NTNG1: variants seen among roughly 807,000 people sequenced by gnomAD.
NTNG1 encodes the protein netrin-G1.
Under a neutral mutation model 54.0 loss-of-function variants are expected in NTNG1, and 16 were observed. The ratio of observed to expected loss-of-function variants is 0.30; its 90% CI spans 0.20 to 0.45. The LOEUF (loss-of-function observed/expected upper bound fraction) is 0.45, where lower values mean the gene tolerates loss of function less well. Ranked by LOEUF, NTNG1 falls within the 20% of genes least tolerant of loss-of-function variation. NTNG1 has a pLI of 1.00. For missense variants in NTNG1, 530 were observed against 678.7 expected, an observed-to-expected ratio of 0.78 and a Z score of 2.43; for synonymous variants, 255 against 263.1, an observed-to-expected ratio of 0.97 and a Z score of 0.30.
intron 2 of NTNG1, among the ~76,000 whole-genome samples, chr1:107,237,567 G>A (rs1661495993): frequency 6.6e-6 from 1 of 152,102 alleles, no homozygotes; most frequent in Non-Finnish European, 1.5e-5. Flanking sequence ...CCCATCACAG[G>A]TCTGAAGGCC....
chr1:107,169,364 T>C (rs1656049604), intron 2 of NTNG1, among the ~76,000 whole-genome samples: 1 of 152,158 alleles, frequency 6.6e-6, no homozygotes, highest in South Asian at 2.1e-4. Context: ...ACAAGTGCAG[T>C]TTTGTTACAC....
chr1:107,232,312 G>A (rs1313791607), intron 2 of NTNG1, among the ~76,000 whole-genome samples: 2 of 152,042 alleles, frequency 1.3e-5, no homozygotes, highest in Non-Finnish European at 2.9e-5. Flanking sequence ...ATACCCCACC[G>A]CTAAAGAAAC....
chr1:107,461,542 CT>C (rs951793256), intron 7 of NTNG1, among the ~76,000 whole-genome samples: 12 of 145,130 alleles, frequency 8.3e-5, no homozygotes, highest in East Asian at 4.0e-4. Context: ...TTTTTTTTTT[CT>C]TTTTTTTTTC....
chr1:107,335,071 G>A (rs1434845726), intron 3 of NTNG1, among the ~76,000 whole-genome samples: 2 of 151,972 alleles, frequency 1.3e-5, no homozygotes, highest in Non-Finnish European at 2.9e-5. Context: ...AGTAAGCTAT[G>A]TACTTGGGTT....
chr1:107,347,134 C>T (rs1035101474), intron 3 of NTNG1, among the ~76,000 whole-genome samples: 10 of 152,024 alleles, frequency 6.6e-5, no homozygotes, highest in African/African-American at 1.2e-4. Context: ...GGATTCAAAT[C>T]CATCTCTCCA....
At chr1:107,349,596 A>G (rs1669474901) in intron 3 of NTNG1, among the ~76,000 whole-genome samples, 1 of 152,166 alleles carries the variant, frequency 6.6e-6, no homozygotes, top group Non-Finnish European at 1.5e-5. Flanking sequence ...CCACACTCAC[A>G]TCTAGGATAA....
intron 3 of NTNG1, among the ~76,000 whole-genome samples, chr1:107,377,916 A>C (rs1400647493): frequency 1.3e-5 from 2 of 152,222 alleles, no homozygotes; most frequent in African/African-American, 4.8e-5. Flanking sequence ...AGGTACTTGC[A>C]TTATATATTG....
chr1:107,407,516 T>C (rs1264347349), intron 4 of NTNG1, among the ~76,000 whole-genome samples, 166 bp from the exon 5 acceptor site: 1 of 151,134 alleles, frequency 6.6e-6, no homozygotes, highest in Non-Finnish European at 1.5e-5. Context: ...GTGTGTATAA[T>C]GTGTATATGC....
At chr1:107,238,454 A>G (rs939875133) in intron 2 of NTNG1, among the ~76,000 whole-genome samples, 4 of 152,170 alleles carry the variant, frequency 2.6e-5, no homozygotes, top group Non-Finnish European at 5.9e-5. Context: ...TTGGGAAGGC[A>G]TGATTGGTTT....
intron 2 of NTNG1, among the ~76,000 whole-genome samples, chr1:107,188,755 A>G (rs912029099): frequency 1.3e-5 from 2 of 152,096 alleles, no homozygotes; most frequent in Non-Finnish European, 1.5e-5. Flanking sequence ...TCACAAATCC[A>G]CATAACAGGG....
chr1:107,204,273 T>C (rs1659003136), intron 2 of NTNG1, among the ~76,000 whole-genome samples: 1 of 152,154 alleles, frequency 6.6e-6, no homozygotes, highest in South Asian at 2.1e-4. Flanking sequence ...TTCCGTTGAG[T>C]CACGACTGTG....
intron 5 of NTNG1, among the ~76,000 whole-genome samples, chr1:107,424,380 G>A (rs1337503279): frequency 6.6e-6 from 1 of 152,086 alleles, no homozygotes; most frequent in Non-Finnish European, 1.5e-5. Flanking sequence ...CAGGGGCCAG[G>A]TCACTAGAGA....
At chr1:107,288,899 C>T (rs947887262) in intron 2 of NTNG1, among the ~76,000 whole-genome samples, 1 of 152,144 alleles carries the variant, frequency 6.6e-6, no homozygotes, top group African/African-American at 2.4e-5. Context: ...TCTAGTTTCT[C>T]AGTTTCATAG....
intron 5 of NTNG1, among the ~76,000 whole-genome samples, chr1:107,427,056 G>A (rs1318750713): frequency 6.6e-6 from 1 of 152,008 alleles, no homozygotes; most frequent in African/African-American, 2.4e-5. Context: ...TGCTTAAGTC[G>A]GCAATCAGTC....
intron 2 of NTNG1, among the ~76,000 whole-genome samples, chr1:107,260,642 A>C (rs989727987): frequency 2.0e-5 from 3 of 152,180 alleles, no homozygotes; most frequent in African/African-American, 7.2e-5. Flanking sequence ...ACTTTTGAGA[A>C]TGCCAGGGCT....
chr1:107,177,669 C>A (rs1470340689), intron 2 of NTNG1, among the ~76,000 whole-genome samples: 1 of 152,140 alleles, frequency 6.6e-6, no homozygotes, highest in Admixed American at 6.6e-5. Flanking sequence ...TGCTGATTTG[C>A]TTCTTGCATT....
intron 2 of NTNG1, among the ~76,000 whole-genome samples, chr1:107,165,550 C>T (rs1257367364): frequency 6.6e-6 from 1 of 152,048 alleles, no homozygotes; most frequent in Non-Finnish European, 1.5e-5. Flanking sequence ...TACTAGTCTG[C>T]CCCCCACATC....
At chr1:107,245,342 T>A (rs529105412) in intron 2 of NTNG1, among the ~76,000 whole-genome samples, 2 of 152,358 alleles carry the variant, frequency 1.3e-5, no homozygotes, top group Non-Finnish European at 2.9e-5. Flanking sequence ...GCAGTTTACG[T>A]AAGTGTAAGT....
chr1:107,206,902 G>A lies in NTNG1; in HGVS notation c.246+58063G>A, dbSNP rs539863386. On this transcript the variant is annotated intron_variant, in intron 2 of 7. Transcript: ENST00000370068. Reference sequence around the variant, plus strand: ...AATATAAGACCTCGATGTATATTCCGCCATCTCGCTGGTGCAGTTGGATGG... The same window carrying A: ...AATATAAGACCTCGATGTATATTCCACCATCTCGCTGGTGCAGTTGGATGG... Among the ~76,000 whole-genome samples, 299 of 152,158 alleles carry A rather than the reference G, an allele frequency of 2.0e-3. 1 individual carries two copies. The highest frequency in any genetic ancestry group is 6.8e-3 in the African/African-American group (283 of 41,500).
Sources: allele counts gnomAD v4.1 joint callset (sites outside exome capture counted in the v4.1 genomes callset), GRCh38; gene constraint gnomAD v4.1.1; transcripts MANE v1.5; gene names NCBI Gene and HGNC (gene_info 2026-07-23, HGNC 2026-07-21).